GALNTL6: variants seen among roughly 807,000 people sequenced by gnomAD.
GALNTL6 encodes polypeptide N-acetylgalactosaminyltransferase-like 6.
GALNTL6 carries 46 observed loss-of-function variants against 73.7 expected under a neutral mutation model. The observed-to-expected ratio is 0.62, with a 90% confidence interval of 0.49 to 0.80. The LOEUF is 0.80. Ranked by LOEUF, GALNTL6 falls within the 30% of genes least tolerant of loss-of-function variation. The pLI is 0.00. For synonymous variants in GALNTL6, 259 were observed against 263.7 expected (o/e 0.98, Z 0.17); for missense variants, 604 against 755.0 (o/e 0.80, Z 2.34).
At chr4:171,980,868 C>G (rs1305578567) in intron 2 of GALNTL6, among the ~76,000 whole-genome samples, 1 of 152,090 alleles carries the variant, frequency 6.6e-6, no homozygotes, top group Admixed American at 6.6e-5. Flanking sequence ...GAGGTTATTG[C>G]CAAGCAATAT....
chr4:172,420,684 G>A (rs1321790948), intron 5 of GALNTL6, among the ~76,000 whole-genome samples: 1 of 151,986 alleles, frequency 6.6e-6, no homozygotes, highest in Admixed American at 6.6e-5. Context: ...TATTTTAATT[G>A]CTCCTTAGTA....
intron 2 of GALNTL6, among the ~76,000 whole-genome samples, chr4:172,130,302 C>A (rs962509376): frequency 3.3e-5 from 5 of 149,740 alleles, no homozygotes; most frequent in Non-Finnish European, 5.9e-5. Flanking sequence ...AATACGGAAT[C>A]CTTTATAATT....
At chr4:171,917,776 A>T (rs1737671459) in intron 2 of GALNTL6, among the ~76,000 whole-genome samples, 2 of 152,122 alleles carry the variant, frequency 1.3e-5, no homozygotes, top group African/African-American at 4.8e-5. Flanking sequence ...CTGCTTATAC[A>T]CTTAGATGTA....
intron 2 of GALNTL6, among the ~76,000 whole-genome samples, chr4:171,902,270 G>T (rs376031839): frequency 1.2e-4 from 18 of 152,304 alleles, no homozygotes; most frequent in African/African-American, 4.1e-4. Flanking sequence ...TGTAAAAAAA[G>T]AGAGAGGTGG....
rs188294942 is a variant in GALNTL6 at position 172,320,486 on chromosome 4, C to G, written c.386+8734C>G. ...AGAGAAGTTCAAACCTAAGGTCACG[C>G]TGAAAAAGAGATTGTGGTGAAAAGT... On this transcript the variant is annotated intron_variant, in intron 4 of 12. Transcript: ENST00000506823. Among the ~76,000 whole-genome samples the G allele has an allele frequency of 8.0e-4, 122 of 152,200 alleles. 2 individuals are homozygous for G. In the South Asian group the frequency reaches 0.016, roughly 20 times the overall value.
chr4:172,245,820 A>G (rs1160519236), intron 3 of GALNTL6, among the ~76,000 whole-genome samples: 2 of 152,150 alleles, frequency 1.3e-5, no homozygotes, highest in Admixed American at 1.3e-4. Flanking sequence ...CCAGCTCTGG[A>G]GCCTGATGGC....
At chr4:172,233,205 CAA>C (rs35723958) in intron 3 of GALNTL6, among the ~76,000 whole-genome samples, 17 of 104,660 alleles carry the variant, frequency 1.6e-4, no homozygotes, top group Admixed American at 2.0e-4. Flanking sequence ...CTCATCTCTC[CAA>C]AAAAAAAAAA....
chr4:171,960,214 C>G (rs1178447163), intron 2 of GALNTL6, among the ~76,000 whole-genome samples: 2 of 152,126 alleles, frequency 1.3e-5, no homozygotes, highest in Non-Finnish European at 2.9e-5. Context: ...ATATTAGAGT[C>G]AAATTTTACC....
At chr4:172,743,960 A>G (rs1000087520) in intron 5 of GALNTL6, among the ~76,000 whole-genome samples, 7 of 152,132 alleles carry the variant, frequency 4.6e-5, no homozygotes, top group Admixed American at 1.3e-4. Context: ...TTTAAGTGGC[A>G]TTCATCTTAG....
At position 172,380,215 on chromosome 4, in the gene GALNTL6, C is replaced by G. The variant is rs1052873751; in HGVS notation, c.553+31526C>G. 38 of 986,624 alleles carry G rather than the reference C, an allele frequency of 3.9e-5. No homozygotes were observed. In the Middle Eastern group the frequency reaches 6.4e-4, roughly 17 times the overall value. 61.1% of individuals were successfully genotyped at this position (986,624 alleles called of 1,614,324 possible). A position where few individuals can be genotyped will look rare whatever the true frequency, so the allele number is the denominator to read the frequency against. ...GCAGGGCTGGGGACCACTTACCTTTCAAAATATCTTAACGTATTCTCCCCA... is the reference window on the plus strand; with the variant it reads ...GCAGGGCTGGGGACCACTTACCTTTGAAAATATCTTAACGTATTCTCCCCA... On this transcript the variant is annotated intron_variant, in intron 5 of 12. Coordinates refer to ENST00000506823, the MANE Select transcript of GALNTL6 (RefSeq NM_001034845.3).
intron 2 of GALNTL6, among the ~76,000 whole-genome samples, chr4:172,206,048 A>G (rs1736100343): frequency 1.3e-5 from 2 of 151,772 alleles, no homozygotes; most frequent in South Asian, 4.1e-4. Flanking sequence ...TTTCATATTT[A>G]TATAAATATA....
intron 2 of GALNTL6, among the ~76,000 whole-genome samples, chr4:171,989,916 AG>A (rs749858632): frequency 1.1e-4 from 16 of 152,206 alleles, no homozygotes; most frequent in Non-Finnish European, 2.2e-4. Context: ...ATAAAGAAAA[AG>A]GAGCATTAAC....
At chr4:172,783,222 G>A (rs1418902587) in intron 5 of GALNTL6, among the ~76,000 whole-genome samples, 1 of 150,470 alleles carries the variant, frequency 6.6e-6, no homozygotes, top group South Asian at 2.1e-4. Flanking sequence ...AAACTAAAAA[G>A]GACCTAAATA....
rs150425449 is a variant in GALNTL6, at chr4:172,281,998, A to G, written c.248-29616A>G. Among the ~76,000 whole-genome samples the G allele has an allele frequency of 1.1e-3, 160 of 152,224 alleles. 2 individuals are homozygous for G. In the East Asian group the frequency reaches 0.026, roughly 25 times the overall value. On this transcript the variant is annotated intron_variant, in intron 3 of 12. Transcript: ENST00000506823. ...TTTAACTTTAATTAAAATTGTCATAAAATTGAATTTTAAAATGACACAAAA... is the reference window on the plus strand; with the variant it reads ...TTTAACTTTAATTAAAATTGTCATAGAATTGAATTTTAAAATGACACAAAA...
At chr4:171,821,506 C>A (rs1234661963) in intron 2 of GALNTL6, among the ~76,000 whole-genome samples, 2 of 152,042 alleles carry the variant, frequency 1.3e-5, no homozygotes, top group African/African-American at 4.8e-5. Flanking sequence ...TATGTTGTGA[C>A]ATTTAAGAAC....
At chr4:172,948,460 G>C (rs1012724571) in intron 9 of GALNTL6, among the ~76,000 whole-genome samples, 4 of 151,290 alleles carry the variant, frequency 2.6e-5, no homozygotes, top group Non-Finnish European at 1.5e-5. Flanking sequence ...TTGCTGTTTT[G>C]TTTTTCTTTG....
At chr4:171,865,619 A>G (rs1234360669) in intron 2 of GALNTL6, among the ~76,000 whole-genome samples, 1 of 152,216 alleles carries the variant, frequency 6.6e-6, no homozygotes, top group Non-Finnish European at 1.5e-5. Flanking sequence ...TCTAAATGAA[A>G]CAAAGCAGAA....
At chr4:172,280,341 A>C (rs931043459) in intron 3 of GALNTL6, among the ~76,000 whole-genome samples, 6 of 152,180 alleles carry the variant, frequency 3.9e-5, no homozygotes, top group Non-Finnish European at 8.8e-5. Context: ...CCCAGGAGGG[A>C]ACATTCACAA....
chr4:172,357,302 C>A (rs1742194308), intron 5 of GALNTL6, among the ~76,000 whole-genome samples: 1 of 152,070 alleles, frequency 6.6e-6, no homozygotes, highest in Admixed American at 6.6e-5. Flanking sequence ...TTGGGCTGGC[C>A]CCTTGTGGGA....
Sources: allele counts gnomAD v4.1 joint callset (sites outside exome capture counted in the v4.1 genomes callset), GRCh38; gene constraint gnomAD v4.1.1; transcripts MANE v1.5; gene names NCBI Gene and HGNC (gene_info 2026-07-23, HGNC 2026-07-21).